The following HIP1 variants were observed in gnomAD, a reference collection of about 807,000 sequenced individuals.
The protein encoded by HIP1 is huntingtin-interacting protein 1.
In HIP1, 65 loss-of-function variants were observed where a neutral mutation model predicts 147.6. The observed-to-expected ratio is 0.44, with a 90% CI of 0.36 to 0.54. HIP1 has a LOEUF of 0.54. HIP1 is among the 20% of genes least tolerant of loss of function. The pLI is 0.00. For synonymous variants in HIP1, 479 were observed against 504.0 expected (o/e 0.95, Z 0.67); for missense variants, 1,061 against 1,299.6 (o/e 0.82, Z 2.82).
In HIP1 at chr7:75,624,481, G is replaced by A. The variant is rs192923936; in HGVS notation, c.121-25234C>T. 1.7e-4 allele frequency among the ~76,000 whole-genome samples: 26 copies of A among 152,266 alleles called. 1 individual carries two copies. In the South Asian group the frequency reaches 2.3e-3, roughly 13 times the overall value. ...ATTCAGAAGTATAGGGGTGTTGGCC[G>A]TGGGGGAGTCATCCAACAGGCCCCA... On this transcript the variant is annotated intron_variant, in intron 1 of 30. Coordinates refer to ENST00000336926, the MANE Select transcript of HIP1 (RefSeq NM_005338.7).
chr7:75,709,859 A>G (rs1197868409), intron 1 of HIP1, among the ~76,000 whole-genome samples: 2 of 152,014 alleles, frequency 1.3e-5, no homozygotes, highest in East Asian at 1.9e-4. Flanking sequence ...AGTTTCCTCT[A>G]TTCCTAGTTT....
chr7:75,736,375 G>A (rs886461858), intron 1 of HIP1, among the ~76,000 whole-genome samples: 2 of 151,572 alleles, frequency 1.3e-5, no homozygotes, highest in Admixed American at 1.3e-4. Flanking sequence ...TAGAAGGAAC[G>A]GGTTGTTAAA....
intron 1 of HIP1, among the ~76,000 whole-genome samples, chr7:75,727,206 G>C (rs1016878218): frequency 2.6e-5 from 4 of 152,084 alleles, no homozygotes; most frequent in African/African-American, 9.6e-5. Flanking sequence ...GACCTCCCCA[G>C]GTCCCTGGCA....
intron 1 of HIP1, among the ~76,000 whole-genome samples, chr7:75,664,925 T>C (rs1275877980): frequency 6.6e-6 from 1 of 152,108 alleles, no homozygotes; most frequent in Non-Finnish European, 1.5e-5. Context: ...CCAGTCCAGA[T>C]ACTTTCCATT....
Position 75,651,141 on chromosome 7 carries a change from G to A in HIP1, c.121-51894C>T, listed in dbSNP as rs528154635. Among the ~76,000 whole-genome samples, 7 of 152,024 alleles carry A rather than the reference G, an allele frequency of 4.6e-5. No individual in the cohort carries two copies. The South Asian group carries it at 1.0e-3, about 23-fold the overall frequency. ...GGAGGGGCATGGGGGGACTCAGTCCGCATGAAAACGGGGGAGGGTGAGAGG... is the reference window on the plus strand; with the variant it reads ...GGAGGGGCATGGGGGGACTCAGTCCACATGAAAACGGGGGAGGGTGAGAGG... On this transcript the variant is annotated intron_variant, in intron 1 of 30. Coordinates refer to ENST00000336926, the MANE Select transcript of HIP1 (RefSeq NM_005338.7).
intron 1 of HIP1, among the ~76,000 whole-genome samples, chr7:75,710,896 TA>T (rs1308510381): frequency 6.6e-6 from 1 of 152,148 alleles, no homozygotes; most frequent in Non-Finnish European, 1.5e-5. Flanking sequence ...CCATAGACTA[TA>T]AAGAACATTA....
chr7:75,606,522 G>A (rs1341581034), intron 1 of HIP1, among the ~76,000 whole-genome samples: 1 of 151,820 alleles, frequency 6.6e-6, no homozygotes, highest in African/African-American at 2.4e-5. Flanking sequence ...GTTGCAGTGA[G>A]CCGAGATCCC....
At chr7:75,553,646 C>A (rs1794877541) in intron 21 of HIP1, 57 bp from the exon 22 acceptor site, 7 of 1,554,524 alleles carry the variant, frequency 4.5e-6, no homozygotes, top group Non-Finnish European at 6.1e-6. Context: ...GCTCTTGTTG[C>A]CCAGGCTGGA....
intron 3 of HIP1, 72 bp downstream of exon 3, chr7:75,592,300 C>T (rs1285354600): frequency 6.5e-7 from 1 of 1,538,860 alleles, no homozygotes; most frequent in Non-Finnish European, 8.8e-7. Context: ...ACAGCAGCCT[C>T]TGTGGCCCAG....
At chr7:75,540,574 G>A (rs2116723278) in intron 29 of HIP1, among the ~76,000 whole-genome samples, 1 of 151,968 alleles carries the variant, frequency 6.6e-6, no homozygotes, top group East Asian at 1.9e-4. Context: ...TCACACCAAT[G>A]CACTCCAGCC....
chr7:75,626,353 C>T (rs1010453623), intron 1 of HIP1: 1 of 152,182 alleles, frequency 6.6e-6, no homozygotes, highest in African/African-American at 2.4e-5. Flanking sequence ...TAGGTGAATG[C>T]ACAAGGATTT....
chr7:75,599,004 G>C (rs1796868846), intron 2 of HIP1, among the ~76,000 whole-genome samples, 180 bp downstream of exon 2: 1 of 152,214 alleles, frequency 6.6e-6, no homozygotes, highest in Admixed American at 6.5e-5. Context: ...CCACCCTGAA[G>C]GTCTGTGGTC....
chr7:75,692,130 C>T (rs1248035412), intron 1 of HIP1, among the ~76,000 whole-genome samples: 1 of 152,270 alleles, frequency 6.6e-6, no homozygotes, highest in South Asian at 2.1e-4. Flanking sequence ...TTCCAGTTTC[C>T]GTTGTCTCCC....
intron 4 of HIP1, among the ~76,000 whole-genome samples, chr7:75,591,299 C>G (rs1166414063): frequency 6.6e-6 from 1 of 152,050 alleles, no homozygotes; most frequent in South Asian, 2.1e-4. Context: ...TCCTAAAGTG[C>G]TAGGATTACA....
intron 7 of HIP1, among the ~76,000 whole-genome samples, chr7:75,580,731 C>T (rs1796009595): frequency 6.6e-6 from 1 of 151,558 alleles, no homozygotes; most frequent in Non-Finnish European, 1.5e-5. Flanking sequence ...AGAGTGAGAC[C>T]TTCTCTCTCT....
intron 1 of HIP1, among the ~76,000 whole-genome samples, chr7:75,652,186 G>A (rs1028400172): frequency 8.7e-5 from 13 of 150,252 alleles, no homozygotes; most frequent in Middle Eastern, 3.4e-3. Context: ...GCATGGTGGC[G>A]TGTACCTGTA....
intron 1 of HIP1, among the ~76,000 whole-genome samples, chr7:75,649,802 C>T (rs945082982): frequency 4.6e-5 from 7 of 152,164 alleles, no homozygotes; most frequent in East Asian, 1.9e-4. Context: ...TTCTCCTACA[C>T]GGGGAATTTC....
intron 1 of HIP1, among the ~76,000 whole-genome samples, chr7:75,728,847 G>A (rs1450703451): frequency 6.7e-6 from 1 of 149,764 alleles, no homozygotes; most frequent in Non-Finnish European, 1.5e-5. Context: ...GGACCCTGAT[G>A]GTGCCATATC....
intron 1 of HIP1, among the ~76,000 whole-genome samples, chr7:75,653,459 C>A (rs1358137709): frequency 6.6e-6 from 1 of 151,774 alleles, no homozygotes; most frequent in African/African-American, 2.4e-5. Context: ...TCGAGACCAG[C>A]CTGGGCAACA....
Sources: gnomAD v4.1 joint callset for allele counts (sites outside exome capture counted in the v4.1 genomes callset) on GRCh38, gnomAD v4.1.1 for gene constraint, MANE v1.5 for transcripts, NCBI Gene and HGNC (gene_info 2026-07-23, HGNC 2026-07-21) for gene names.